Variants in RAPGEF5 observed in about 807,000 individuals in gnomAD.
RAPGEF5 encodes Rap guanine nucleotide exchange factor 5.
A neutral mutation model predicts 125.2 loss-of-function variants in RAPGEF5; 65 were observed. The ratio of observed to expected loss-of-function variants is 0.52; its 90% CI spans 0.43 to 0.64. The LOEUF (loss-of-function observed/expected upper bound fraction) is 0.64. RAPGEF5 is among the 30% of genes least tolerant of loss of function. The probability of loss-of-function intolerance (pLI) is 0.00; values close to 1 mark genes in which losing one functional copy is unlikely to be tolerated. For synonymous variants in RAPGEF5, 391 were observed against 385.9 expected (o/e 1.01, Z -0.16); for missense variants, 958 against 1,048.1 (o/e 0.91, Z 1.19).
chr7:22,217,266 G>A (rs1391230248), intron 9 of RAPGEF5, among the ~76,000 whole-genome samples: 3 of 152,218 alleles, frequency 2.0e-5, no homozygotes, highest in African/African-American at 7.2e-5. Context: ...AGAGGAAACT[G>A]CAGACCTAGG....
At chr7:22,328,181 A>C (rs1396330674) in intron 1 of RAPGEF5, among the ~76,000 whole-genome samples, 3 of 152,250 alleles carry the variant, frequency 2.0e-5, no homozygotes, top group Non-Finnish European at 4.4e-5. Flanking sequence ...ACATACCAAG[A>C]GAGAACCCTC....
intron 5 of RAPGEF5, among the ~76,000 whole-genome samples, chr7:22,295,019 T>G (rs1021495434): frequency 3.9e-4 from 60 of 152,250 alleles, no homozygotes; most frequent in African/African-American, 1.4e-3. Flanking sequence ...TGCTGTACAT[T>G]AGACCTCCAG....
At chr7:22,353,240 G>A (rs988339017) in intron 1 of RAPGEF5, among the ~76,000 whole-genome samples, 2 of 152,032 alleles carry the variant, frequency 1.3e-5, no homozygotes, top group Non-Finnish European at 2.9e-5. Flanking sequence ...AAAAAGGGAG[G>A]GGAAGCTGTT....
intron 12 of RAPGEF5, among the ~76,000 whole-genome samples, chr7:22,164,901 A>C (rs779444247): frequency 1.3e-5 from 2 of 152,336 alleles, no homozygotes; most frequent in Admixed American, 1.3e-4. Flanking sequence ...AAATAGCTTT[A>C]ATCTATAAAT....
intron 22 of RAPGEF5, among the ~76,000 whole-genome samples, chr7:22,136,507 G>A (rs553495684): frequency 6.6e-6 from 1 of 151,814 alleles, no homozygotes; most frequent in Admixed American, 6.6e-5. Flanking sequence ...CACAGAAAAT[G>A]CAGAGAAAAC....
intron 7 of RAPGEF5, among the ~76,000 whole-genome samples, chr7:22,253,752 A>G (rs1786680963): frequency 6.6e-6 from 1 of 152,204 alleles, no homozygotes; most frequent in Non-Finnish European, 1.5e-5. Flanking sequence ...AATTATATTA[A>G]GCAAGTCAGC....
chr7:22,253,137 A>G (rs757232804), intron 7 of RAPGEF5, among the ~76,000 whole-genome samples: 4 of 152,204 alleles, frequency 2.6e-5, no homozygotes, highest in Non-Finnish European at 4.4e-5. Flanking sequence ...AGATTTTACA[A>G]ACTTCAACAA....
At chr7:22,214,183 G>A (rs1484353164) in intron 9 of RAPGEF5, among the ~76,000 whole-genome samples, 3 of 152,138 alleles carry the variant, frequency 2.0e-5, no homozygotes, top group African/African-American at 7.2e-5. Flanking sequence ...ACCCTACCCT[G>A]GCAGCAGACT....
intron 6 of RAPGEF5, among the ~76,000 whole-genome samples, chr7:22,275,393 G>A (rs1405532079): frequency 1.3e-5 from 2 of 152,184 alleles, no homozygotes; most frequent in Non-Finnish European, 2.9e-5. Context: ...CAAGTAAAAT[G>A]TTTACAGTTG....
chr7:22,194,821 C>T lies in RAPGEF5; in HGVS notation c.997-788G>A, dbSNP rs745875871. 2.3e-4 allele frequency: 216 copies of T among 952,266 alleles called. 1 individual carries two copies. The highest frequency in any genetic ancestry group is 2.6e-4 in the Non-Finnish European group (204 of 799,900). 59.0% of individuals were successfully genotyped at this position (952,266 alleles called of 1,614,324 possible). On this transcript the variant is annotated intron_variant, in intron 9 of 25. Coordinates refer to ENST00000665637, the MANE Select transcript of RAPGEF5 (RefSeq NM_012294.5). Reference sequence around the variant, plus strand: ...GCCCAGAGTGAGTGTGGCCCGCTGACGTGGCTCTGTCACAGAGGACAGCTT... The same window carrying T: ...GCCCAGAGTGAGTGTGGCCCGCTGATGTGGCTCTGTCACAGAGGACAGCTT...
chr7:22,186,138 C>T (rs1784818859), intron 11 of RAPGEF5, among the ~76,000 whole-genome samples: 1 of 152,154 alleles, frequency 6.6e-6, no homozygotes, highest in African/African-American at 2.4e-5. Flanking sequence ...CTGAAAAAGA[C>T]TAAGTAGCAG....
intron 6 of RAPGEF5, among the ~76,000 whole-genome samples, chr7:22,285,982 A>G (rs1250283247): frequency 1.3e-5 from 2 of 152,236 alleles, no homozygotes; most frequent in Admixed American, 1.3e-4. Context: ...CATGGAACAC[A>G]AGGGTGTAAG....
chr7:22,159,549 T>C (rs935841364), intron 14 of RAPGEF5, among the ~76,000 whole-genome samples: 1 of 152,238 alleles, frequency 6.6e-6, no homozygotes, highest in African/African-American at 2.4e-5. Context: ...AACTGCACTG[T>C]GAATCAGATA....
intron 23 of RAPGEF5, among the ~76,000 whole-genome samples, chr7:22,131,481 G>A (rs1373090212): frequency 1.3e-5 from 2 of 152,202 alleles, no homozygotes; most frequent in Admixed American, 6.5e-5. Context: ...CAGGATTTTA[G>A]TAAGTATGTG....
chr7:22,260,377 G>C (rs899376323), intron 7 of RAPGEF5, among the ~76,000 whole-genome samples: 6 of 151,922 alleles, frequency 3.9e-5, no homozygotes, highest in Non-Finnish European at 2.9e-5. Flanking sequence ...GTACATGTGT[G>C]GGGCAGGAGG....
intron 17 of RAPGEF5, among the ~76,000 whole-genome samples, chr7:22,153,311 A>G (rs1444730702): frequency 1.3e-5 from 2 of 152,226 alleles, no homozygotes; most frequent in African/African-American, 4.8e-5. Context: ...TCACTTGAAA[A>G]TTAAACATAA....
intron 23 of RAPGEF5, among the ~76,000 whole-genome samples, chr7:22,133,246 G>C (rs1448282909): frequency 2.0e-5 from 3 of 152,302 alleles, no homozygotes; most frequent in Middle Eastern, 6.8e-3. Flanking sequence ...CAAGGGTGCT[G>C]GCCAGGTGAG....
intron 6 of RAPGEF5, among the ~76,000 whole-genome samples, chr7:22,281,652 G>A (rs1198282851): frequency 2.0e-5 from 3 of 152,180 alleles, no homozygotes; most frequent in Non-Finnish European, 4.4e-5. Flanking sequence ...AGAACATGTG[G>A]TGAGGAGATA....
At chr7:22,282,832 C>T (rs1044448898) in intron 6 of RAPGEF5, among the ~76,000 whole-genome samples, 1 of 152,130 alleles carries the variant, frequency 6.6e-6, no homozygotes, top group African/African-American at 2.4e-5. Flanking sequence ...AAGTTCATCT[C>T]TGAGCTGTTC....
Sources: gnomAD v4.1 joint callset for allele counts (sites outside exome capture counted in the v4.1 genomes callset) on GRCh38, gnomAD v4.1.1 for gene constraint, MANE v1.5 for transcripts, NCBI Gene and HGNC (gene_info 2026-07-23, HGNC 2026-07-21) for gene names.